The following HOXB3 variants were observed in gnomAD, a reference collection of about 807,000 sequenced individuals.
HOXB3 encodes homeobox B3.
A neutral mutation model predicts 29.2 loss-of-function variants in HOXB3; 17 were observed. That is an observed-to-expected ratio of 0.58 (90% CI 0.40 to 0.87). The LOEUF (loss-of-function observed/expected upper bound fraction) is 0.87, where lower values mean the gene tolerates loss of function less well. Among genes scored for constraint, HOXB3 ranks in the 40% least tolerant of loss-of-function variants. The pLI, the probability that HOXB3 is intolerant of heterozygous loss-of-function variation, is 0.00. For missense variants in HOXB3, 637 were observed against 616.3 expected (o/e 1.03, Z -0.35); for synonymous variants, 317 against 285.9 (o/e 1.11, Z -1.10).
intron 1 of HOXB3, among the ~76,000 whole-genome samples, chr17:48,583,337 C>T (rs1448897124): frequency 6.6e-6 from 1 of 152,160 alleles, no homozygotes; most frequent in Admixed American, 6.5e-5. Context: ...TTTTGCCTAC[C>T]CCCATCACCC....
Position 48,551,324 on chromosome 17 carries a change from C to G in HOXB3, c.449-143G>C, listed in dbSNP as rs1017428891. Reference sequence around the variant, plus strand: ...GCCGCCCTCCCCTTCGGGTCCCCGCCGCCTCCTCACTCCCCCACCCCACCG... The same window carrying G: ...GCCGCCCTCCCCTTCGGGTCCCCGCGGCCTCCTCACTCCCCCACCCCACCG... On this transcript the variant is annotated intron_variant, in intron 4 of 4. Coordinates refer to ENST00000498678, the MANE Select transcript of HOXB3 (RefSeq NM_001384749.1). 1.7e-5 allele frequency: 17 copies of G among 1,014,054 alleles called. No individual in the cohort carries two copies. The Admixed American group carries it at 6.3e-4, about 38-fold the overall frequency. 62.8% of individuals were successfully genotyped at this position (1,014,054 alleles called of 1,614,324 possible).
chr17:48,576,555 G>GCTTCCC (rs1428901747), intron 1 of HOXB3: 3 of 521,852 alleles, frequency 5.7e-6, no homozygotes, highest in Non-Finnish European at 9.6e-6. Flanking sequence ...TATAAATAAA[G>GCTTCCC]CTTCCCCTCC....
In HOXB3 at chr17:48,552,394, G is replaced by T; in HGVS notation, c.81C>A (p.Phe27Leu). The T allele has an allele frequency of 6.2e-7, 1 of 1,612,502 alleles. No individual in the cohort carries two copies. Among genetic ancestry groups the T allele is most frequent in the Non-Finnish European group, 8.5e-7 (1 of 1,178,940 alleles). ...GGGGTTGGGGGGGGACATCGAAGCC[G>T]AAGCCATTGCTGCCAGGGTACGAGG... ...GYSSYPGSNGFGFDVPPQPPF... is the reference protein window; with the variant it reads ...GYSSYPGSNGLGFDVPPQPPF... The change falls in exon 4 of 5, where the codon TTC (phenylalanine) becomes TTA (leucine). Residue 27 changes from phenylalanine to leucine, a missense_variant. Transcript: ENST00000498678.
At chr17:48,576,545 TATAA>T in intron 1 of HOXB3, 2 of 497,498 alleles carry the variant, frequency 4.0e-6, no homozygotes, top group Non-Finnish European at 3.4e-6. Flanking sequence ...TTGTCATTTC[TATAA>T]ATAAAGCTTC....
intron 2 of HOXB3, among the ~76,000 whole-genome samples, chr17:48,572,733 T>C (rs567400883): frequency 5.1e-4 from 77 of 151,974 alleles, no homozygotes; most frequent in South Asian, 1.9e-3. Context: ...AATAGAAAAA[T>C]AATCCAAAAT....
chr17:48,584,655 C>T (rs2070012291), intron 1 of HOXB3, among the ~76,000 whole-genome samples: 1 of 152,142 alleles, frequency 6.6e-6, no homozygotes, highest in Non-Finnish European at 1.5e-5. Flanking sequence ...AATATGGTGA[C>T]TCAAAGATTA....
intron 2 of HOXB3, 116 bp from the exon 3 acceptor site, chr17:48,555,734 G>C (rs1244230338): frequency 1.2e-5 from 8 of 650,094 alleles, no homozygotes; most frequent in African/African-American, 7.3e-5. Context: ...CCGGCCAGAG[G>C]AGCCGCGCGG....
At chr17:48,558,047 TAAA>T (rs199519994) in intron 2 of HOXB3, among the ~76,000 whole-genome samples, 2 of 149,396 alleles carry the variant, frequency 1.3e-5, no homozygotes, top group East Asian at 1.9e-4. Flanking sequence ...CTCCCCCAAA[TAAA>T]AAAAAAGCCA....
chr17:48,551,121 C>T lies in HOXB3; in HGVS notation c.509G>A (p.Gly170Asp), dbSNP rs1281835615. 3 of 1,349,756 alleles carry T rather than the reference C, an allele frequency of 2.2e-6. No homozygotes were observed. The highest frequency in any genetic ancestry group is 1.5e-5 in the African/African-American group (1 of 66,078). The allele number at this position is 1,349,756 out of a possible 1,614,324, so 83.6% of individuals were successfully genotyped here. The change falls in exon 5 of 5, where the codon GGC becomes GAC. Residue 170 changes from glycine to aspartate, a missense_variant. Physicochemically the swap from Gly to Asp is moderately conservative, Grantham distance 94. Transcript: ENST00000498678. The stretch of plus-strand genomic sequence containing the variant: ...CCCTCCCCCGCCGCCGCCGCCACCG[C>T]CCCCGCTGCCACCACTGCCTCCGCC... ...GGGGGSGGSG[G>D]GGGGGGGGDK...
chr17:48,569,065 C>T (rs4793935), intron 2 of HOXB3, among the ~76,000 whole-genome samples: 33 of 150,826 alleles, frequency 2.2e-4, no homozygotes, highest in South Asian at 6.4e-4. Context: ...CTCTCTCCCC[C>T]CTCTCTTTTT....
At chr17:48,558,772 G>C (rs867428106) in intron 2 of HOXB3, among the ~76,000 whole-genome samples, 24 of 152,188 alleles carry the variant, frequency 1.6e-4, no homozygotes, top group Middle Eastern at 3.4e-3. Flanking sequence ...GAAGACTTTG[G>C]GGTCTGGGAA....
At position 48,550,694 on chromosome 17, in the gene HOXB3, G is replaced by A. The variant is rs901977659; in HGVS notation, c.936C>T (p.Leu312=). The change falls in exon 5 of 5, where the codon CTC becomes CTT. Residue 312 remains leucine, a synonymous_variant. Coordinates refer to ENST00000498678, the MANE Select transcript of HOXB3 (RefSeq NM_001384749.1). ...YALPSNYQPP[L]KGCGAPQKYP... The stretch of plus-strand genomic sequence containing the variant: ...ACTTCTGCGGGGCGCCGCAGCCTTT[G>A]AGAGGGGGCTGGTAGTTGGAGGGCA... 2.6e-6 allele frequency: 4 copies of A among 1,538,282 alleles called. No individual in the cohort carries two copies. Among genetic ancestry groups the A allele is most frequent in the Non-Finnish European group, 2.6e-6 (3 of 1,142,040 alleles).
chr17:48,589,983 C>G (rs1228227780), intron 1 of HOXB3, 142 bp downstream of exon 1: 1 of 152,168 alleles, frequency 6.6e-6, no homozygotes, highest in Non-Finnish European at 1.5e-5. Flanking sequence ...TTTCAGGCAC[C>G]CAGTCCCTTA....
In HOXB3 at chr17:48,573,931, A is replaced by T. The variant is rs915062881; in HGVS notation, c.-341T>A. On this transcript the variant is annotated 5_prime_UTR_variant, in exon 2 of 5. Coordinates refer to ENST00000498678, the MANE Select transcript of HOXB3 (RefSeq NM_001384749.1). Reference sequence around the variant, plus strand: ...CTGAGAGAAAAAAGTTTTCAACTTTATGGTTCCAAATTTTTTCCCCCTTGC... The same window carrying T: ...CTGAGAGAAAAAAGTTTTCAACTTTTTGGTTCCAAATTTTTTCCCCCTTGC... 1.4e-6 allele frequency: 1 copy of T among 695,840 alleles called. No individual in the cohort carries two copies. The highest frequency in any genetic ancestry group is 2.1e-5 in the Admixed American group (1 of 48,250). The allele number at this position is 695,840 out of a possible 1,614,324, so 43.1% of individuals were successfully genotyped here.
intron 2 of HOXB3, among the ~76,000 whole-genome samples, chr17:48,566,537 G>A (rs546167268): frequency 4.6e-5 from 7 of 152,192 alleles, no homozygotes; most frequent in African/African-American, 1.7e-4. Context: ...AGCAGGAGGG[G>A]AGATGGAAAA....
At chr17:48,563,302 G>C (rs2069264028) in intron 2 of HOXB3, among the ~76,000 whole-genome samples, 2 of 152,282 alleles carry the variant, frequency 1.3e-5, no homozygotes, top group South Asian at 4.1e-4. Context: ...ACAGGACAAG[G>C]GGCAGTGTGT....
intron 1 of HOXB3, chr17:48,578,547 C>CCCCA (rs988944563): frequency 1.5e-5 from 7 of 472,504 alleles, no homozygotes; most frequent in South Asian, 1.5e-4. Flanking sequence ...CCTTCCCCCT[C>CCCCA]CCCACCCACC....
chr17:48,564,725 A>G (rs1306569256), intron 2 of HOXB3, among the ~76,000 whole-genome samples: 1 of 152,160 alleles, frequency 6.6e-6, no homozygotes, highest in East Asian at 1.9e-4. Context: ...TCACCAGCGA[A>G]ATGGGTTCCA....
At chr17:48,568,776 G>C (rs765110831) in intron 2 of HOXB3, among the ~76,000 whole-genome samples, 7 of 152,150 alleles carry the variant, frequency 4.6e-5, no homozygotes, top group Non-Finnish European at 7.4e-5. Flanking sequence ...AAGAGAGAGA[G>C]AGAAAAGAAG....
Sources: gnomAD v4.1 joint callset for allele counts (sites outside exome capture counted in the v4.1 genomes callset) on GRCh38, gnomAD v4.1.1 for gene constraint, MANE v1.5 for transcripts, NCBI Gene and HGNC (gene_info 2026-07-23, HGNC 2026-07-21) for gene names.